Variants in TSHR observed in about 807,000 individuals in gnomAD.
The protein encoded by TSHR is thyrotropin receptor.
Under a neutral mutation model 64.1 loss-of-function variants are expected in TSHR, and 51 were observed. The observed-to-expected ratio is 0.80, with a 90% CI of 0.64 to 1.01. The LOEUF is 1.01. TSHR is among the 50% of genes least tolerant of loss of function. TSHR has a pLI of 0.00. For synonymous variants in TSHR, 361 were observed against 361.9 expected (o/e 1.00, Z 0.03); for missense variants, 877 against 942.8 (o/e 0.93, Z 0.91).
chr14:81,070,084 G>A (rs1048695076), intron 3 of TSHR, among the ~76,000 whole-genome samples: 4 of 152,044 alleles, frequency 2.6e-5, no homozygotes, highest in African/African-American at 7.2e-5. Flanking sequence ...TCAGTCTGAA[G>A]CATGGAGAGA....
chr14:80,964,928 C>T (rs180921445), intron 1 of TSHR, among the ~76,000 whole-genome samples: 1 of 152,198 alleles, frequency 6.6e-6, no homozygotes, highest in Non-Finnish European at 1.5e-5. Flanking sequence ...ACAGTTACTA[C>T]TGTTACTACT....
intron 3 of TSHR, among the ~76,000 whole-genome samples, chr14:81,077,736 T>A (rs1566797636): frequency 6.6e-6 from 1 of 152,190 alleles, no homozygotes; most frequent in Non-Finnish European, 1.5e-5. Context: ...CCTATTTGCT[T>A]TGTCTTCTCT....
intron 1 of TSHR, chr14:80,994,317 C>G (rs1472079233): frequency 6.6e-6 from 1 of 151,832 alleles, no homozygotes; most frequent in Non-Finnish European, 1.5e-5. Context: ...CTTATAGATT[C>G]AATGCTATTC....
chr14:81,041,569 A>T (rs150841879), intron 1 of TSHR, among the ~76,000 whole-genome samples: 8 of 152,018 alleles, frequency 5.3e-5, no homozygotes, highest in Non-Finnish European at 1.2e-4. Flanking sequence ...ACTAATGGAT[A>T]TTAGGCCTAA....
intron 7 of TSHR, chr14:81,102,716 A>C: frequency 1.2e-6 from 1 of 848,226 alleles, no homozygotes; most frequent in Non-Finnish European, 1.4e-6. Context: ...TACAAAAACA[A>C]GGGCAAGGTA....
chr14:81,087,044 A>G (rs1050026334), intron 3 of TSHR, among the ~76,000 whole-genome samples: 2 of 152,238 alleles, frequency 1.3e-5, no homozygotes, highest in Admixed American at 1.3e-4. Flanking sequence ...CTGTATGCCT[A>G]CATACAATGT....
At position 81,069,125 on chromosome 14, in the gene TSHR, A is replaced by G. The variant is rs938408754; in HGVS notation, c.317+797A>G. On this transcript the variant is annotated intron_variant, in intron 3 of 9. Transcript: ENST00000298171. ...AGTATATCCTAACATTACATTAAAC[A>G]TTGTATGAACATTATTTGTTTGGTT... 2.0e-5 allele frequency among the ~76,000 whole-genome samples: 3 copies of G among 152,130 alleles called. No homozygotes were observed. In the South Asian group the frequency reaches 6.3e-4, roughly 32 times the overall value.
intron 1 of TSHR, among the ~76,000 whole-genome samples, chr14:80,976,644 G>A (rs1887891628): frequency 6.6e-6 from 1 of 152,190 alleles, no homozygotes; most frequent in Non-Finnish European, 1.5e-5. Context: ...TCCTCATTGT[G>A]TAACAGCAGC....
intron 1 of TSHR, among the ~76,000 whole-genome samples, chr14:80,975,091 G>C (rs925324060): frequency 7.2e-5 from 11 of 152,170 alleles, no homozygotes; most frequent in African/African-American, 2.4e-4. Context: ...TCAGAGAACT[G>C]TTAGGAAGAC....
rs1242468286 is a variant in TSHR, at chr14:81,141,603, AG to A, written c.882-1335del. Reference sequence around the variant, plus strand: ...TTGTATTTTGCTTACTGTCTAATGGAGGAAGTCAGAAAATAAACAGGCTGGC... The same window carrying A: ...TTGTATTTTGCTTACTGTCTAATGGAGAAGTCAGAAAATAAACAGGCTGGC... On this transcript the variant is annotated intron_variant, in intron 9 of 9. Coordinates refer to ENST00000298171, the MANE Select transcript of TSHR (RefSeq NM_000369.5). Among the ~76,000 whole-genome samples the A allele has an allele frequency of 3.9e-5, 6 of 152,252 alleles. No individual in the cohort carries two copies. In the South Asian group the frequency reaches 1.0e-3, roughly 26 times the overall value.
intron 1 of TSHR, among the ~76,000 whole-genome samples, chr14:80,978,743 T>G (rs531233722): frequency 3.9e-5 from 6 of 152,334 alleles, no homozygotes; most frequent in Admixed American, 2.0e-4. Context: ...GAGATCTGAG[T>G]GGTGCATCTC....
intron 1 of TSHR, among the ~76,000 whole-genome samples, chr14:80,978,111 AC>A (rs1887977065): frequency 1.3e-5 from 2 of 151,662 alleles, no homozygotes; most frequent in South Asian, 4.2e-4. Flanking sequence ...ACACACACAC[AC>A]ACACACACAC....
intron 1 of TSHR, among the ~76,000 whole-genome samples, chr14:81,007,343 G>GT (rs1184356407): frequency 6.6e-6 from 1 of 152,196 alleles, no homozygotes; most frequent in Non-Finnish European, 1.5e-5. Flanking sequence ...TAGTCATCAG[G>GT]TCTCCCTGAG....
Position 81,139,747 on chromosome 14 carries a change from C to G in TSHR, c.761C>G (p.Ala254Gly). 1 of 1,614,220 alleles carries G rather than the reference C, an allele frequency of 6.2e-7. No individual in the cohort carries two copies. Among genetic ancestry groups the G allele is most frequent in the Non-Finnish European group, 8.5e-7 (1 of 1,180,042 alleles). ...CTGGAGCACCTGAAGGAACTGATAGCAAGAAACACCTGGACTCTTAAGAAA... is the reference window on the plus strand; with the variant it reads ...CTGGAGCACCTGAAGGAACTGATAGGAAGAAACACCTGGACTCTTAAGAAA... The part of the protein sequence containing the change: ...KGLEHLKELI[A>G]RNTWTLKKLP... The change falls in exon 9 of 10, where the codon GCA (alanine) becomes GGA (glycine). Residue 254 changes from alanine to glycine, a missense_variant. Coordinates refer to ENST00000298171, the MANE Select transcript of TSHR (RefSeq NM_000369.5).
chr14:81,057,574 A>G (rs1203313060), intron 1 of TSHR, among the ~76,000 whole-genome samples: 1 of 152,242 alleles, frequency 6.6e-6, no homozygotes, highest in Non-Finnish European at 1.5e-5. Flanking sequence ...CTCTTTTTCT[A>G]CTATGAATAC....
At chr14:81,108,152 C>T in intron 7 of TSHR, among the ~76,000 whole-genome samples, 1 of 151,968 alleles carries the variant, frequency 6.6e-6, no homozygotes. Flanking sequence ...CATAAACATG[C>T]TCATTTTCAA....
chr14:81,086,533 G>C (rs1238466460), intron 3 of TSHR, among the ~76,000 whole-genome samples: 1 of 152,142 alleles, frequency 6.6e-6, no homozygotes, highest in Non-Finnish European at 1.5e-5. Context: ...TTATTTTAGA[G>C]CCCTAACTAT....
chr14:81,096,923 G>GGTGTGTGTGTGTGTGTGTGTGTGTGTGT (rs147149121), intron 7 of TSHR, among the ~76,000 whole-genome samples: 13 of 148,518 alleles, frequency 8.8e-5, no homozygotes, highest in African/African-American at 3.2e-4. Context: ...TTTTCTCCCT[G>GGTGTGTGTGTGTGTGTGTGTGTGTGTGT]GTGTGTGTGT....
intron 1 of TSHR, among the ~76,000 whole-genome samples, chr14:80,966,035 T>G (rs1161393000): frequency 6.6e-6 from 1 of 152,224 alleles, no homozygotes; most frequent in Middle Eastern, 3.2e-3. Context: ...TCAGAAAACA[T>G]GATCTCTGTA....
Sources: gnomAD v4.1 joint callset for allele counts (sites outside exome capture counted in the v4.1 genomes callset) on GRCh38, gnomAD v4.1.1 for gene constraint, MANE v1.5 for transcripts, NCBI Gene and HGNC (gene_info 2026-07-23, HGNC 2026-07-21) for gene names.